The following KPNA5 variants were observed in gnomAD, a reference collection of about 807,000 sequenced individuals.
The protein encoded by KPNA5 is importin subunit alpha-6.
A neutral mutation model predicts 71.3 loss-of-function variants in KPNA5; 46 were observed. The observed-to-expected ratio is 0.65, with a 90% confidence interval of 0.51 to 0.83. The LOEUF (loss-of-function observed/expected upper bound fraction) is 0.83, where lower values mean the gene tolerates loss of function less well. Ranked by LOEUF, KPNA5 falls within the 40% of genes least tolerant of loss-of-function variation. The pLI is 0.00. For missense variants in KPNA5, 547 were observed against 628.3 expected, an observed-to-expected ratio of 0.87 and a Z score of 1.38; for synonymous variants, 207 against 201.4, an observed-to-expected ratio of 1.03 and a Z score of -0.24.
At position 116,736,817 on chromosome 6, in the gene KPNA5, T is replaced by G. The variant is rs1377077514; in HGVS notation, c.*4494T>G. On this transcript the variant is annotated 3_prime_UTR_variant, in exon 14 of 14. Coordinates refer to ENST00000368564, the MANE Select transcript of KPNA5 (RefSeq NM_001366306.2). ...GTCTTCAAGTTCACTAATCTTGTCT[T>G]CTGCTGTGTCTAATCTCTTAATTCC... The G allele has an allele frequency of 4.6e-5, 7 of 151,976 alleles. No homozygotes were observed. The highest frequency in any genetic ancestry group is 8.8e-5 in the Non-Finnish European group (6 of 67,954). 9.4% of individuals were successfully genotyped at this position (151,976 alleles called of 1,614,324 possible).
At chr6:116,726,388 G>C (rs1039107739) in intron 11 of KPNA5, 107 bp from the exon 12 acceptor site, 4 of 836,138 alleles carry the variant, frequency 4.8e-6, no homozygotes, top group Non-Finnish European at 7.3e-6. Context: ...TAATGTCAAG[G>C]TTCCAAAAAC....
At chr6:116,725,076 C>G (rs1399207534) in intron 10 of KPNA5, among the ~76,000 whole-genome samples, 1 of 152,072 alleles carries the variant, frequency 6.6e-6, no homozygotes, top group Non-Finnish European at 1.5e-5. Flanking sequence ...AATAGTTGCT[C>G]TTTAGTAATT....
intron 4 of KPNA5, among the ~76,000 whole-genome samples, chr6:116,693,562 C>T (rs1417088499): frequency 1.6e-4 from 25 of 152,194 alleles, no homozygotes; most frequent in South Asian, 4.1e-4. Flanking sequence ...TCATATCCTT[C>T]GCCCACTTGT....
chr6:116,706,776 A>G (rs1361918151), intron 7 of KPNA5, among the ~76,000 whole-genome samples: 1 of 152,216 alleles, frequency 6.6e-6, no homozygotes, highest in African/African-American at 2.4e-5. Context: ...AGAAAGTTTC[A>G]AAGTATTTAA....
At chr6:116,729,382 TAA>T (rs1779402991) in intron 12 of KPNA5, among the ~76,000 whole-genome samples, 179 bp from the exon 13 acceptor site, 2 of 152,086 alleles carry the variant, frequency 1.3e-5, no homozygotes, top group Admixed American at 1.3e-4. Context: ...AAGAAAATTT[TAA>T]GTTTCCTATG....
intron 4 of KPNA5, among the ~76,000 whole-genome samples, chr6:116,696,224 A>G (rs181384830): frequency 7.7e-4 from 117 of 152,264 alleles, no homozygotes; most frequent in African/African-American, 2.7e-3. Context: ...ATGCTTGCCC[A>G]GTTGGACATA....
intron 8 of KPNA5, 42 bp downstream of exon 8, chr6:116,716,360 A>G: frequency 7.3e-7 from 1 of 1,361,006 alleles, no homozygotes; most frequent in East Asian, 2.3e-5. Context: ...GTTTCCATAA[A>G]CCTAAGTTTC....
At position 116,732,257 on chromosome 6, in the gene KPNA5, G is replaced by C; in HGVS notation, c.1554G>C (p.Val518=). The C allele has an allele frequency of 1.3e-6, 2 of 1,576,208 alleles. No homozygotes were observed. Among genetic ancestry groups the C allele is most frequent in the Non-Finnish European group, 1.7e-6 (2 of 1,160,374 alleles). The change falls in exon 14 of 14, where the codon GTG becomes GTC. Residue 518 remains valine (V), a synonymous_variant. Coordinates refer to ENST00000368564, the MANE Select transcript of KPNA5 (RefSeq NM_001366306.2). Reference sequence around the variant, plus strand: ...ATGACCCCAGCATTGTACCTCAGGTGGATGAAAACCAACAACAGTTTATAT... The same window carrying C: ...ATGACCCCAGCATTGTACCTCAGGTCGATGAAAACCAACAACAGTTTATAT... The part of the protein sequence containing the change: ...EEDDPSIVPQ[V]DENQQQFIFQ...
Position 116,733,824 on chromosome 6 carries a change from T to C in KPNA5, c.*1501T>C, listed in dbSNP as rs1425781691. The C allele has an allele frequency of 6.6e-5, 10 of 151,770 alleles. No homozygotes were observed. In the Admixed American group the frequency reaches 6.6e-4, roughly 10 times the overall value. 9.4% of individuals were successfully genotyped at this position (151,770 alleles called of 1,614,324 possible). A position where few individuals can be genotyped will look rare whatever the true frequency, so the allele number is the denominator to read the frequency against. On this transcript the variant is annotated 3_prime_UTR_variant, in exon 14 of 14. Coordinates refer to ENST00000368564, the MANE Select transcript of KPNA5 (RefSeq NM_001366306.2). ...ATTTCATTTATGATAGTATTTGTAATGTTTCTGCTGGAAATCAGAGGCACG... is the reference window on the plus strand; with the variant it reads ...ATTTCATTTATGATAGTATTTGTAACGTTTCTGCTGGAAATCAGAGGCACG...
rs1318406011 is a variant in KPNA5, at chr6:116,692,411, A to G, written c.340+19A>G. On this transcript the variant is annotated intron_variant, in intron 4 of 13. Transcript: ENST00000368564. ...TCTAAAGGCAAGAATTATTTTCAGT[A>G]TGCTTATTTGATATTACACGATTTT... The G allele has an allele frequency of 1.4e-6, 2 of 1,470,952 alleles. No homozygotes were observed. Among genetic ancestry groups the G allele is most frequent in the Non-Finnish European group, 1.9e-6 (2 of 1,064,514 alleles). The allele number at this position is 1,470,952 out of a possible 1,614,324, so 91.1% of individuals were successfully genotyped here.
At chr6:116,688,348 A>G (rs899231232) in intron 1 of KPNA5, among the ~76,000 whole-genome samples, 2 of 152,048 alleles carry the variant, frequency 1.3e-5, no homozygotes, top group Admixed American at 6.6e-5. Flanking sequence ...TGGTCACAAC[A>G]TTGTCTCTGG....
chr6:116,721,909 T>A (rs1028377626), intron 8 of KPNA5, among the ~76,000 whole-genome samples: 1 of 152,202 alleles, frequency 6.6e-6, no homozygotes, highest in African/African-American at 2.4e-5. Context: ...TACTATTTTT[T>A]AAAACAAATT....
At chr6:116,720,969 G>A (rs1343089923) in intron 8 of KPNA5, among the ~76,000 whole-genome samples, 1 of 152,210 alleles carries the variant, frequency 6.6e-6, no homozygotes, top group Non-Finnish European at 1.5e-5. Flanking sequence ...TACCTATTAT[G>A]TAAGCTAACT....
At chr6:116,730,043 CATA>C (rs1779427158) in intron 13 of KPNA5, among the ~76,000 whole-genome samples, 1 of 146,436 alleles carries the variant, frequency 6.8e-6, no homozygotes. Flanking sequence ...ATAATGGCCA[CATA>C]ATGTTATGTA....
intron 5 of KPNA5, among the ~76,000 whole-genome samples, chr6:116,701,442 G>A (rs576078155): frequency 2.0e-5 from 3 of 152,034 alleles, no homozygotes; most frequent in South Asian, 2.1e-4. Flanking sequence ...GAGTTGATAC[G>A]ATAACTTCTC....
intron 7 of KPNA5, among the ~76,000 whole-genome samples, chr6:116,707,417 C>T (rs1216738670): frequency 6.6e-6 from 1 of 152,120 alleles, no homozygotes; most frequent in Non-Finnish European, 1.5e-5. Context: ...CTCATAATAA[C>T]CCCATTAATA....
At position 116,716,261 on chromosome 6, in the gene KPNA5, C is replaced by A; in HGVS notation, c.699C>A (p.Ala233=). ...ACAGACTCACAACAACAAGAAATGC[C>A]GTGTGGGCCCTCTCAAATTTATGTA... ...NSNRLTTTRN[A]VWALSNLCRG... Residue 233 remains alanine, a synonymous_variant, in exon 8 of 14, where the codon GCC becomes GCA. Coordinates refer to ENST00000368564, the MANE Select transcript of KPNA5 (RefSeq NM_001366306.2). 6.2e-7 allele frequency: 1 copy of A among 1,613,334 alleles called. No homozygotes were observed. Among genetic ancestry groups the A allele is most frequent in the Non-Finnish European group, 8.5e-7 (1 of 1,179,770 alleles).
In KPNA5 at chr6:116,681,600, G is replaced by A. The variant is rs987755430; in HGVS notation, c.4+262G>A. The A allele has an allele frequency of 3.5e-6, 4 of 1,140,046 alleles. No homozygotes were observed. In the African/African-American group the frequency reaches 4.9e-5, roughly 14 times the overall value. 70.6% of individuals were successfully genotyped at this position (1,140,046 alleles called of 1,614,324 possible). On this transcript the variant is annotated intron_variant, in intron 1 of 13. Coordinates refer to ENST00000368564, the MANE Select transcript of KPNA5 (RefSeq NM_001366306.2). ...GGTCCTCTGGAGTGATGGGCAGCTGGTCTCATCTTCGCCGCCCCGCCTCAC... is the reference window on the plus strand; with the variant it reads ...GGTCCTCTGGAGTGATGGGCAGCTGATCTCATCTTCGCCGCCCCGCCTCAC...
At chr6:116,720,658 G>A (rs1242562069) in intron 8 of KPNA5, among the ~76,000 whole-genome samples, 1 of 152,044 alleles carries the variant, frequency 6.6e-6, no homozygotes, top group Non-Finnish European at 1.5e-5. Flanking sequence ...TTCTAGACCA[G>A]CCTAGGCAAC....
Sources: allele counts gnomAD v4.1 joint callset (sites outside exome capture counted in the v4.1 genomes callset), GRCh38; gene constraint gnomAD v4.1.1; transcripts MANE v1.5; gene names NCBI Gene and HGNC (gene_info 2026-07-23, HGNC 2026-07-21).